MED1: variants seen among roughly 807,000 people sequenced by gnomAD.
MED1 encodes the protein mediator complex subunit 1.
Under a neutral mutation model 121.3 loss-of-function variants are expected in MED1, and 17 were observed. That is an observed-to-expected ratio of 0.14 (90% CI 0.10 to 0.21). The LOEUF (loss-of-function observed/expected upper bound fraction) is 0.21, where lower values mean the gene tolerates loss of function less well. MED1 is among the 10% of genes least tolerant of loss of function. MED1 has a pLI of 1.00. For missense variants in MED1, 1,558 were observed against 1,919.4 expected, an observed-to-expected ratio of 0.81 and a Z score of 3.52; for synonymous variants, 661 against 694.4, an observed-to-expected ratio of 0.95 and a Z score of 0.76.
chr17:39,432,032 G>C lies in MED1; in HGVS notation c.501-16C>G, dbSNP rs1239889792. The stretch of plus-strand genomic sequence containing the variant: ...CTTCAGTTTGCTGGAGAGTAGATGA[G>C]AAGAACATGAGTTAATAGTTGAAAA... On this transcript the variant is annotated splice_polypyrimidine_tract_variant and intron_variant, in intron 7 of 16. Transcript: ENST00000300651. 3.2e-5 allele frequency: 50 copies of C among 1,570,666 alleles called. No individual in the cohort carries two copies. The highest frequency in any genetic ancestry group is 4.4e-5 in the Non-Finnish European group (50 of 1,141,248).
At position 39,423,726 on chromosome 17, in the gene MED1, G is replaced by C. The variant is rs200376217; in HGVS notation, c.947C>G (p.Ala316Gly). The change falls in exon 12 of 17, where the codon GCA becomes GGA. Residue 316 changes from alanine to glycine, a missense_variant. Around this residue, in one of 5 missense-constraint regions of MED1, gnomAD observed 443 missense variants for 532.4 expected, o/e 0.83. Coordinates refer to ENST00000300651, the MANE Select transcript of MED1 (RefSeq NM_004774.4). ...KFPQPIPVSR[A>G]FVQKLQNCTG... ...GCAGTTCTGCAGTTTCTGAACAAAT[G>C]CTCTAGATACTGGGATTGGCTGGGG... 6.2e-7 allele frequency: 1 copy of C among 1,613,950 alleles called. No individual in the cohort carries two copies. Among genetic ancestry groups the C allele is most frequent in the Non-Finnish European group, 8.5e-7 (1 of 1,179,978 alleles).
chr17:39,447,185 G>A (rs1040157370), intron 2 of MED1, among the ~76,000 whole-genome samples: 2 of 152,030 alleles, frequency 1.3e-5, no homozygotes, highest in African/African-American at 4.8e-5. Flanking sequence ...GAGGTCTGGA[G>A]GTCAAGACCA....
chr17:39,408,500 A>G lies in MED1; in HGVS notation c.3721T>C (p.Ser1241Pro). The G allele has an allele frequency of 1.2e-6, 2 of 1,614,232 alleles. No individual in the cohort carries two copies. Among genetic ancestry groups the G allele is most frequent in the Non-Finnish European group, 1.7e-6 (2 of 1,180,044 alleles). Residue 1241 changes from serine (S) to proline (P), a missense_variant, in exon 17 of 17, where the codon TCT becomes CCT. By Grantham distance (74) the Ser-to-Pro change is moderately conservative. Around this residue, in one of 5 missense-constraint regions of MED1, gnomAD observed 793 missense variants for 898.2 expected, o/e 0.88. Coordinates refer to ENST00000300651, the MANE Select transcript of MED1 (RefSeq NM_004774.4). This position sits in a 1 kb window ranked among gnomAD's most constrained non-coding sequence, Gnocchi z 4.7. ...GSHMSGTSSS[S>P]GMKSSSGLGS... ...AACCCTGAAGATGACTTCATGCCAG[A>G]GCTTGAACTAGTTCCAGACATATGA... is the stretch of plus-strand genomic sequence containing the variant.
intron 9 of MED1, among the ~76,000 whole-genome samples, chr17:39,428,241 T>C (rs1374616728): frequency 6.6e-6 from 1 of 151,986 alleles, no homozygotes; most frequent in Admixed American, 6.6e-5. Context: ...TCCCACAACT[T>C]TGGGAGGCCA....
At chr17:39,434,143 T>C (rs1332257795) in intron 7 of MED1, 106 bp downstream of exon 7, 2 of 697,644 alleles carry the variant, frequency 2.9e-6, no homozygotes, top group African/African-American at 1.9e-5. Context: ...AAGTAGAAAC[T>C]AGGAGTGACA....
Position 39,407,292 on chromosome 17 carries a change from T to C in MED1, c.*183A>G. The C allele has an allele frequency of 8.6e-7, 1 of 1,164,290 alleles. No individual in the cohort carries two copies. Among genetic ancestry groups the C allele is most frequent in the African/African-American group, 1.6e-5 (1 of 60,912 alleles). 72.1% of individuals were successfully genotyped at this position (1,164,290 alleles called of 1,614,324 possible). Reference sequence around the variant, plus strand: ...CTTCCTGGTAACCAGAATCAAACCCTGTGGTTTCTTTAATAGGGTCTGGAT... The same window carrying C: ...CTTCCTGGTAACCAGAATCAAACCCCGTGGTTTCTTTAATAGGGTCTGGAT... On this transcript the variant is annotated 3_prime_UTR_variant, in exon 17 of 17. Coordinates refer to ENST00000300651, the MANE Select transcript of MED1 (RefSeq NM_004774.4).
intron 6 of MED1, among the ~76,000 whole-genome samples, chr17:39,438,173 AT>A (rs71147331): frequency 1.4e-3 from 201 of 140,288 alleles, no homozygotes; most frequent in Middle Eastern, 3.7e-3. Flanking sequence ...CCTCGTCTCT[AT>A]TTTTTTTTTT....
intron 3 of MED1, among the ~76,000 whole-genome samples, chr17:39,441,406 A>C (rs2048673471): frequency 6.6e-6 from 1 of 152,238 alleles, no homozygotes. Flanking sequence ...GAATGTACTT[A>C]ACGCTACTGA....
chr17:39,440,284 G>C lies in MED1; in HGVS notation c.399+102C>G. On this transcript the variant is annotated intron_variant, in intron 5 of 16. Coordinates refer to ENST00000300651, the MANE Select transcript of MED1 (RefSeq NM_004774.4). This position sits in a 1 kb window ranked among gnomAD's most constrained non-coding sequence, Gnocchi z 4.1. ...CACATCATCTCTACAGTGGCTCATG[G>C]AAAAACCTAAACCCAAGCTATTTAA... The C allele has an allele frequency of 7.8e-7, 1 of 1,277,464 alleles. No homozygotes were observed. Among genetic ancestry groups the C allele is most frequent in the Non-Finnish European group, 1.1e-6 (1 of 946,580 alleles). 79.1% of individuals were successfully genotyped at this position (1,277,464 alleles called of 1,614,324 possible). A position where few individuals can be genotyped will look rare whatever the true frequency, so the allele number is the denominator to read the frequency against.
intron 2 of MED1, among the ~76,000 whole-genome samples, chr17:39,446,098 G>T (rs1028284280): frequency 1.1e-4 from 16 of 151,718 alleles, no homozygotes; most frequent in Admixed American, 6.6e-5. Flanking sequence ...ACTTTGGGAG[G>T]CCAAAGTGGG....
At chr17:39,433,903 T>TA (rs2048594147) in intron 7 of MED1, among the ~76,000 whole-genome samples, 2 of 152,194 alleles carry the variant, frequency 1.3e-5, no homozygotes, top group Non-Finnish European at 2.9e-5. Flanking sequence ...AGCTTATTTT[T>TA]ATCTCTGTTT....
chr17:39,412,686 C>A (rs1026892305), intron 16 of MED1, among the ~76,000 whole-genome samples: 1 of 151,104 alleles, frequency 6.6e-6, no homozygotes, highest in South Asian at 2.1e-4. Flanking sequence ...TACAGAAGCC[C>A]GCCACCACGC....
At chr17:39,439,985 A>AAGGAAG (rs1567651936) in intron 5 of MED1, among the ~76,000 whole-genome samples, 258 of 125,658 alleles carry the variant, frequency 2.1e-3, no homozygotes, top group African/African-American at 6.0e-3. Flanking sequence ...AAAGAAAGAA[A>AAGGAAG]GAAGGAAGGA....
intron 16 of MED1, among the ~76,000 whole-genome samples, chr17:39,413,177 C>A (rs1338803040): frequency 6.6e-6 from 1 of 151,786 alleles, no homozygotes; most frequent in Non-Finnish European, 1.5e-5. Context: ...CAGGTTCAAG[C>A]AATTCTCCCG....
At position 39,409,716 on chromosome 17, in the gene MED1, G is replaced by A; in HGVS notation, c.2505C>T (p.Tyr835=). ...VFQTNNNENP[Y]TDPADLIADA... ...CTGCAATAAGATCAGCTGGATCAGTGTATGGATTTTCATTATTGTTAGTTT... is the reference window on the plus strand; with the variant it reads ...CTGCAATAAGATCAGCTGGATCAGTATATGGATTTTCATTATTGTTAGTTT... Residue 835 remains tyrosine, a synonymous_variant, in exon 17 of 17, where the codon TAC becomes TAT. Transcript: ENST00000300651. 2 of 1,614,152 alleles carry A rather than the reference G, an allele frequency of 1.2e-6. No homozygotes were observed. The highest frequency in any genetic ancestry group is 1.7e-6 in the Non-Finnish European group (2 of 1,180,024).
Position 39,410,076 on chromosome 17 carries a change from C to T in MED1, c.2145G>A (p.Met715Ile), listed in dbSNP as rs1488589457. 7 of 1,614,064 alleles carry T rather than the reference C, an allele frequency of 4.3e-6. No homozygotes were observed. Among genetic ancestry groups the T allele is most frequent in the Non-Finnish European group, 5.9e-6 (7 of 1,180,014 alleles). Residue 715 changes from methionine to isoleucine, a missense_variant, in exon 17 of 17, where the codon ATG becomes ATA. Met to Ile is a conservative substitution (Grantham distance 10). Transcript: ENST00000300651. Reference protein sequence around the residue: ...EDDFQRELFSMDVDSQNPIFD... With the variant: ...EDDFQRELFSIDVDSQNPIFD... ...AGATAGGGTTCTGTGAGTCAACATC[C>T]ATTGAAAATAGCTCCCTCTGAAAGT...
chr17:39,443,493 G>A (rs1832199023), intron 3 of MED1, 57 bp downstream of exon 3: 5 of 1,456,702 alleles, frequency 3.4e-6, no homozygotes, highest in Non-Finnish European at 4.8e-6. Context: ...GTATAAAATG[G>A]TCCTTCTTGA....
chr17:39,406,315 C>A lies in MED1; in HGVS notation c.*1160G>T, dbSNP rs1408004028. On this transcript the variant is annotated 3_prime_UTR_variant, in exon 17 of 17. Coordinates refer to ENST00000300651, the MANE Select transcript of MED1 (RefSeq NM_004774.4). ...TTACTGTTTTATCTCAGGGAGCATA[C>A]AGTGGAGTGATTAAAGTTTGGACTC... The A allele has an allele frequency of 1.0e-6, 1 of 985,358 alleles. No individual in the cohort carries two copies. The highest frequency in any genetic ancestry group is 1.2e-6 in the Non-Finnish European group (1 of 829,916). 61.0% of individuals were successfully genotyped at this position (985,358 alleles called of 1,614,324 possible).
rs188045424 is a variant in MED1, at chr17:39,429,238, G to C, written c.650-1448C>G. On this transcript the variant is annotated intron_variant, in intron 9 of 16. Transcript: ENST00000300651. ...ATGGTGGCACTTGACTGAAGTCCTA[G>C]CTACTCAGGGGGCTGAGGTGGGAAG... Among the ~76,000 whole-genome samples, 13 of 152,178 alleles carry C rather than the reference G, an allele frequency of 8.5e-5. 1 individual carries two copies. The highest frequency in any genetic ancestry group is 7.9e-4 in the Admixed American group (12 of 15,250).
Sources: gnomAD v4.1 joint callset for allele counts (sites outside exome capture counted in the v4.1 genomes callset) on GRCh38, gnomAD v4.1.1 for gene constraint, gnomAD v4.1.1 regional missense constraint, Gnocchi (gnomAD v3.1) non-coding constraint, MANE v1.5 for transcripts, NCBI Gene and HGNC (gene_info 2026-07-23, HGNC 2026-07-21) for gene names.